DOCK2: variants seen among roughly 807,000 people sequenced by gnomAD.
The protein encoded by DOCK2 is dedicator of cytokinesis 2.
DOCK2 carries 87 observed loss-of-function variants against 248.9 expected under a neutral mutation model. The ratio of observed to expected loss-of-function variants is 0.35; its 90% confidence interval spans 0.29 to 0.42. The LOEUF is 0.42. Ranked by LOEUF, DOCK2 falls within the 10% of genes least tolerant of loss-of-function variation. The pLI, the probability that DOCK2 is intolerant of heterozygous loss-of-function variation, is 1.00. For missense variants in DOCK2, 1,747 were observed against 2,300.2 expected, an observed-to-expected ratio of 0.76 and a Z score of 4.92; for synonymous variants, 805 against 821.6, an observed-to-expected ratio of 0.98 and a Z score of 0.35.
At chr5:170,046,412 G>C (rs1488600060) in intron 39 of DOCK2, among the ~76,000 whole-genome samples, 2 of 152,122 alleles carry the variant, frequency 1.3e-5, no homozygotes, top group African/African-American at 4.8e-5. Context: ...GGTTTGGCGG[G>C]GAGTTGGACT....
At chr5:170,013,028 G>A (rs547553548) in intron 32 of DOCK2, among the ~76,000 whole-genome samples, 4 of 152,124 alleles carry the variant, frequency 2.6e-5, no homozygotes, top group Non-Finnish European at 4.4e-5. Flanking sequence ...AGTGAAATGT[G>A]TAGTGGGGAC....
At chr5:169,703,206 A>G (rs866041676) in intron 14 of DOCK2, among the ~76,000 whole-genome samples, 11 of 152,292 alleles carry the variant, frequency 7.2e-5, no homozygotes, top group Admixed American at 1.3e-4. Context: ...GTGAGTGATC[A>G]AATAGCCAAG....
chr5:170,077,454 A>G (rs1466732997), intron 47 of DOCK2, among the ~76,000 whole-genome samples: 1 of 152,210 alleles, frequency 6.6e-6, no homozygotes, highest in African/African-American at 2.4e-5. Context: ...GCCACCATGA[A>G]TAATAACAAG....
chr5:169,923,115 C>T (rs1027747202), intron 27 of DOCK2, among the ~76,000 whole-genome samples: 1 of 152,190 alleles, frequency 6.6e-6, no homozygotes, highest in Non-Finnish European at 1.5e-5. Flanking sequence ...CCTAGGCTCT[C>T]AGGCTCCAAG....
At chr5:169,982,558 C>T (rs1174776516) in intron 27 of DOCK2, among the ~76,000 whole-genome samples, 1 of 152,200 alleles carries the variant, frequency 6.6e-6, no homozygotes, top group Non-Finnish European at 1.5e-5. Flanking sequence ...AGAGCCATCT[C>T]TTCTCATTTC....
At chr5:169,674,177 C>A in intron 5 of DOCK2, 120 bp from the exon 6 acceptor site, 2 of 1,214,476 alleles carry the variant, frequency 1.6e-6, no homozygotes, top group Non-Finnish European at 2.3e-6. Flanking sequence ...GTGGGTAGGG[C>A]AGGGAGAGAG....
chr5:169,811,583 G>A (rs565328950), intron 26 of DOCK2, among the ~76,000 whole-genome samples: 50 of 152,278 alleles, frequency 3.3e-4, no homozygotes, highest in Non-Finnish European at 4.7e-4. Context: ...TCTGGCTTCC[G>A]TGGAGTTAGA....
At chr5:169,758,897 T>C (rs1250291190) in intron 23 of DOCK2, among the ~76,000 whole-genome samples, 2 of 152,250 alleles carry the variant, frequency 1.3e-5, no homozygotes, top group Non-Finnish European at 2.9e-5. Flanking sequence ...TAAAGGGTGA[T>C]ACATGTTAGT....
At chr5:169,856,176 G>A (rs568978929) in intron 27 of DOCK2, among the ~76,000 whole-genome samples, 202 of 152,240 alleles carry the variant, frequency 1.3e-3, no homozygotes, top group African/African-American at 4.5e-3. Flanking sequence ...TTTGGGTGGG[G>A]ACACAAAACC....
intron 2 of DOCK2, among the ~76,000 whole-genome samples, chr5:169,657,214 G>A (rs1373926263): frequency 6.6e-6 from 1 of 152,078 alleles, no homozygotes; most frequent in Non-Finnish European, 1.5e-5. Flanking sequence ...GTGGCAGAAG[G>A]TAATGGAGCT....
At chr5:169,798,167 C>T (rs1766764469) in intron 25 of DOCK2, among the ~76,000 whole-genome samples, 1 of 152,224 alleles carries the variant, frequency 6.6e-6, no homozygotes. Context: ...GCAAGGCAAA[C>T]ACCCACTGTC....
At chr5:170,054,562 T>C (rs146869605) in intron 41 of DOCK2, among the ~76,000 whole-genome samples, 159 of 152,370 alleles carry the variant, frequency 1.0e-3, no homozygotes, top group African/African-American at 3.6e-3. Flanking sequence ...ACACAGCTCC[T>C]TACCATCCTG....
chr5:170,007,896 C>G (rs73312338), intron 30 of DOCK2, among the ~76,000 whole-genome samples: 10,609 of 152,202 alleles, frequency 0.07, 1,120 homozygotes, highest in African/African-American at 0.23. Context: ...GTCTAGGCAG[C>G]GGCCAGAGAA....
In DOCK2 at chr5:169,722,315, A is replaced by C. The variant is rs537757310; in HGVS notation, c.2267+3524A>C. 7.2e-5 allele frequency among the ~76,000 whole-genome samples: 11 copies of C among 152,364 alleles called. No homozygotes were observed. In the South Asian group the frequency reaches 1.5e-3, roughly 20 times the overall value. On this transcript the variant is annotated intron_variant, in intron 22 of 51. Transcript: ENST00000520908. ...TGCTTCCCTGTTCCATGTGATGGACACTAAGCAGCTCCCTGTCCTACTGGC... is the reference window on the plus strand; with the variant it reads ...TGCTTCCCTGTTCCATGTGATGGACCCTAAGCAGCTCCCTGTCCTACTGGC...
rs1274054775 is a variant in DOCK2, at chr5:169,702,284, C to G, written c.1259-19C>G. The G allele has an allele frequency of 3.1e-6, 5 of 1,612,646 alleles. No individual in the cohort carries two copies. The highest frequency in any genetic ancestry group is 3.3e-5 in the Admixed American group (2 of 59,986). On this transcript the variant is annotated intron_variant, in intron 13 of 51. Coordinates refer to ENST00000520908, the MANE Select transcript of DOCK2 (RefSeq NM_004946.3). ...CTGTAATCCACACTAACTCTTGTCT[C>G]TCTCTCCCTCTGCCTCAGGGGATGT...
intron 1 of DOCK2, among the ~76,000 whole-genome samples, chr5:169,643,298 A>G (rs1044107633): frequency 6.6e-6 from 1 of 152,094 alleles, no homozygotes; most frequent in Non-Finnish European, 1.5e-5. Flanking sequence ...ATGACCGCCA[A>G]TGTGGACACT....
chr5:169,815,651 TA>T (rs1768023315), intron 26 of DOCK2, among the ~76,000 whole-genome samples: 1 of 152,210 alleles, frequency 6.6e-6, no homozygotes, highest in African/African-American at 2.4e-5. Flanking sequence ...ATTAATTTTT[TA>T]AACAAAAAAA....
chr5:169,790,126 A>G (rs1435314946), intron 25 of DOCK2, among the ~76,000 whole-genome samples: 1 of 152,194 alleles, frequency 6.6e-6, no homozygotes. Flanking sequence ...CTAATGCTTG[A>G]ATCCAGGATA....
At chr5:169,752,977 A>G (rs886326424) in intron 23 of DOCK2, among the ~76,000 whole-genome samples, 57 of 152,138 alleles carry the variant, frequency 3.7e-4, no homozygotes, top group Middle Eastern at 3.2e-3. Context: ...AGGTAGGAGA[A>G]TTGCTTGAAC....
Sources: gnomAD v4.1 joint callset for allele counts (sites outside exome capture counted in the v4.1 genomes callset) on GRCh38, gnomAD v4.1.1 for gene constraint, MANE v1.5 for transcripts, NCBI Gene and HGNC (gene_info 2026-07-23, HGNC 2026-07-21) for gene names.